SHQ1: variants seen among roughly 807,000 people sequenced by gnomAD.
SHQ1 encodes SHQ1, H/ACA ribonucleoprotein assembly factor, also known as protein SHQ1 homolog.
A neutral mutation model predicts 53.8 loss-of-function variants in SHQ1; 49 were observed. That is an observed-to-expected ratio of 0.91 (90% confidence interval 0.72 to 1.16). The LOEUF (loss-of-function observed/expected upper bound fraction) is 1.16, where lower values mean the gene tolerates loss of function less well. Ranked by LOEUF, SHQ1 falls within the 50% of genes most tolerant of loss-of-function variation. The pLI is 0.00. For missense variants in SHQ1, 738 were observed against 683.1 expected, an observed-to-expected ratio of 1.08 and a Z score of -0.90; for synonymous variants, 243 against 251.0, an observed-to-expected ratio of 0.97 and a Z score of 0.30.
At position 72,841,018 on chromosome 3, in the gene SHQ1, TCAAGATC is replaced by T; in HGVS notation, c.486+20_486+26del. 1 of 1,589,858 alleles carries T rather than the reference TCAAGATC, an allele frequency of 6.3e-7. No individual in the cohort carries two copies. Among genetic ancestry groups the T allele is most frequent in the Non-Finnish European group, 8.5e-7 (1 of 1,170,830 alleles). Reference sequence around the variant, plus strand: ...TATCCAAATGGAAAAACCCTATAGATCAAGATCTTTCAGAAAGACAACATACCTGTAA... The same window carrying T: ...TATCCAAATGGAAAAACCCTATAGATTTTCAGAAAGACAACATACCTGTAA... On this transcript the variant is annotated intron_variant, in intron 4 of 10. Coordinates refer to ENST00000325599, the MANE Select transcript of SHQ1 (RefSeq NM_018130.3).
At chr3:72,796,185 T>C (rs545268268) in intron 9 of SHQ1, among the ~76,000 whole-genome samples, 1 of 147,294 alleles carries the variant, frequency 6.8e-6, no homozygotes, top group Non-Finnish European at 1.5e-5. Flanking sequence ...AAAGAGTTCA[T>C]GTAAGGAAAA....
intron 10 of SHQ1, among the ~76,000 whole-genome samples, chr3:72,761,690 C>T (rs1200445849): frequency 1.3e-5 from 2 of 152,094 alleles, no homozygotes; most frequent in Non-Finnish European, 2.9e-5. Flanking sequence ...TACAGCAACC[C>T]TGTGAGATAG....
chr3:72,775,176 A>G (rs1447756251), intron 10 of SHQ1, among the ~76,000 whole-genome samples: 1 of 151,984 alleles, frequency 6.6e-6, no homozygotes, highest in East Asian at 1.9e-4. Context: ...ATACCCTCTT[A>G]CAAAAATAAT....
At chr3:72,739,494 G>C in the SHQ1 span, among the ~76,000 whole-genome samples, 3 of 152,238 alleles carry the variant, frequency 2.0e-5, no homozygotes, top group Non-Finnish European at 2.9e-5. Context: ...GAGAGGTAAA[G>C]ATGGGGTTCG....
intron 10 of SHQ1, chr3:72,772,394 T>C (rs1180508099): frequency 2.9e-6 from 1 of 343,020 alleles, no homozygotes; most frequent in East Asian, 7.5e-5. Context: ...TAGGCTTTTG[T>C]CCTGCAGGCA....
chr3:72,810,340 A>C (rs1707080221), intron 9 of SHQ1, among the ~76,000 whole-genome samples: 1 of 152,258 alleles, frequency 6.6e-6, no homozygotes, highest in South Asian at 2.1e-4. Flanking sequence ...GCAAACCTGA[A>C]AAGAGCCAAA....
chr3:72,839,764 T>C (rs1192508208), intron 4 of SHQ1, among the ~76,000 whole-genome samples: 1 of 152,058 alleles, frequency 6.6e-6, no homozygotes, highest in African/African-American at 2.4e-5. Flanking sequence ...TTTTGTTTTG[T>C]TGTGTTTGTT....
At chr3:72,746,648 G>A (rs1575670093), downstream of SHQ1, among the ~76,000 whole-genome samples, 1 of 152,284 alleles carries the variant, frequency 6.6e-6, no homozygotes, top group Non-Finnish European at 1.5e-5. Flanking sequence ...GAGGATGTCC[G>A]GGAAGGATCA....
chr3:72,792,999 G>C lies in SHQ1; in HGVS notation c.1098C>G (p.His366Gln). 6.2e-7 allele frequency: 1 copy of C among 1,611,722 alleles called. No individual in the cohort carries two copies. Among genetic ancestry groups the C allele is most frequent in the Middle Eastern group, 1.7e-4 (1 of 5,722 alleles). The part of the protein sequence containing the change: ...SAVLKCLLDI[H>Q]KIFQENDPAY... Reference sequence around the variant, plus strand: ...CTGGGTCATTTTCCTGAAAAATTTTGTGAATATCCAGGAGACACTTTAAAA... The same window carrying C: ...CTGGGTCATTTTCCTGAAAAATTTTCTGAATATCCAGGAGACACTTTAAAA... The change falls in exon 10 of 11, where the codon CAC (histidine) becomes CAG (glutamine). Residue 366 changes from histidine to glutamine, a missense_variant. Coordinates refer to ENST00000325599, the MANE Select transcript of SHQ1 (RefSeq NM_018130.3).
chr3:72,782,667 ATTATG>A lies in SHQ1; in HGVS notation c.1181+10244_1181+10248del, dbSNP rs372106936. Among the ~76,000 whole-genome samples, 304 of 152,324 alleles carry A rather than the reference ATTATG, an allele frequency of 2.0e-3. 3 individuals carry two copies. The highest frequency in any genetic ancestry group is 5.8e-3 in the East Asian group (30 of 5,188). On this transcript the variant is annotated intron_variant, in intron 10 of 10. Coordinates refer to ENST00000325599, the MANE Select transcript of SHQ1 (RefSeq NM_018130.3). ...CTCCCTGTTGGCTTCAGCTGAGATAATTATGTTATAACAAAGATTGGGTTTCAATC... is the reference window on the plus strand; with the variant it reads ...CTCCCTGTTGGCTTCAGCTGAGATAATTATAACAAAGATTGGGTTTCAATC...
intron 10 of SHQ1, among the ~76,000 whole-genome samples, chr3:72,759,490 A>G (rs1014718777): frequency 1.3e-4 from 20 of 152,180 alleles, no homozygotes; most frequent in Admixed American, 9.2e-4. Flanking sequence ...CAGGAGTTCG[A>G]GACCAGCCTG....
intron 4 of SHQ1, among the ~76,000 whole-genome samples, chr3:72,840,511 G>A (rs1422557119): frequency 1.3e-5 from 2 of 150,290 alleles, no homozygotes; most frequent in South Asian, 2.1e-4. Context: ...AGCCGAGATC[G>A]TGCCACTGCA....
At chr3:72,839,392 A>C (rs1708093116) in intron 4 of SHQ1, among the ~76,000 whole-genome samples, 1 of 152,218 alleles carries the variant, frequency 6.6e-6, no homozygotes, top group Non-Finnish European at 1.5e-5. Flanking sequence ...AAAACACCTA[A>C]GTTTTTAGAA....
Position 72,833,444 on chromosome 3 carries a change from TGATAGATAGATAGATAGATAGATA to T in SHQ1, c.487-987_487-964del, listed in dbSNP as rs56202141. ...CGACAGAGCCAGACTCTATCAGAGA[TGATAGATAGATAGATAGATAGATA>T]GATAGATAGATAGATAGATAGATAG... is the stretch of plus-strand genomic sequence containing the variant. On this transcript the variant is annotated intron_variant, in intron 4 of 10. Coordinates refer to ENST00000325599, the MANE Select transcript of SHQ1 (RefSeq NM_018130.3). 2.5e-3 allele frequency among the ~76,000 whole-genome samples: 357 copies of T among 140,578 alleles called. 3 individuals carry two copies. The highest frequency in any genetic ancestry group is 8.4e-3 in the African/African-American group (317 of 37,754). 92.2% of individuals were successfully genotyped at this position (140,578 alleles called of 152,430 possible).
intron 4 of SHQ1, among the ~76,000 whole-genome samples, chr3:72,838,928 T>C (rs752225830): frequency 1.4e-5 from 2 of 148,094 alleles, no homozygotes; most frequent in African/African-American, 2.5e-5. Context: ...AGTTAAGACA[T>C]CCAAAAAGAA....
At chr3:72,811,317 T>C (rs993990084) in intron 9 of SHQ1, among the ~76,000 whole-genome samples, 1 of 152,212 alleles carries the variant, frequency 6.6e-6, no homozygotes, top group Non-Finnish European at 1.5e-5. Flanking sequence ...GCCCAGATAA[T>C]CTAGCATGAC....
chr3:72,839,915 C>T (rs1481220486), intron 4 of SHQ1, among the ~76,000 whole-genome samples: 2 of 151,866 alleles, frequency 1.3e-5, no homozygotes, highest in East Asian at 3.9e-4. Flanking sequence ...TGGGTGCCAC[C>T]ATGCCTGGCT....
At chr3:72,827,158 C>A (rs1298724113) in intron 5 of SHQ1, among the ~76,000 whole-genome samples, 5 of 152,098 alleles carry the variant, frequency 3.3e-5, no homozygotes, top group Non-Finnish European at 7.3e-5. Flanking sequence ...CAGTGGACAA[C>A]AGTGTCCTTC....
Position 72,750,602 on chromosome 3 carries a change from G to A in SHQ1, c.1416C>T (p.Gly472=). The change falls in exon 11 of 11, where the codon GGC becomes GGT. Residue 472 remains glycine (G), a synonymous_variant. Transcript: ENST00000325599. ...SSVSSGNEDS[G]SDSEQDELKD... ...TGAGTTCATCTTGTTCTGAATCTGA[G>A]CCTGAGTCTTCGTTTCCAGATGACA... 6.2e-7 allele frequency: 1 copy of A among 1,614,208 alleles called. No individual in the cohort carries two copies. The highest frequency in any genetic ancestry group is 1.6e-4 in the Middle Eastern group (1 of 6,062).
Sources: allele counts gnomAD v4.1 joint callset (sites outside exome capture counted in the v4.1 genomes callset), GRCh38; gene constraint gnomAD v4.1.1; transcripts MANE v1.5; gene names NCBI Gene and HGNC (gene_info 2026-07-23, HGNC 2026-07-21).